ABCB10: variants seen among roughly 807,000 people sequenced by gnomAD.
The protein encoded by ABCB10 is ATP-binding cassette sub-family B member 10, mitochondrial.
In ABCB10, 54 loss-of-function variants were observed where a neutral mutation model predicts 65.4. The observed-to-expected ratio is 0.83, with a 90% CI of 0.66 to 1.04. The LOEUF is 1.04. Among genes scored for constraint, ABCB10 ranks in the 50% least tolerant of loss-of-function variants. The pLI is 0.00. For synonymous variants in ABCB10, 418 were observed against 406.5 expected (o/e 1.03, Z -0.34); for missense variants, 846 against 976.6 (o/e 0.87, Z 1.78).
intron 5 of ABCB10, among the ~76,000 whole-genome samples, chr1:229,539,988 C>G (rs891692612): frequency 1.1e-4 from 16 of 152,172 alleles, no homozygotes; most frequent in African/African-American, 3.9e-4. Flanking sequence ...TATGTATGGC[C>G]TGCTTTTACC....
chr1:229,523,520 G>A (rs1436610245), intron 10 of ABCB10, among the ~76,000 whole-genome samples: 1 of 152,150 alleles, frequency 6.6e-6, no homozygotes. Context: ...CACACAAGGA[G>A]GGCAGTGAGG....
In ABCB10 at chr1:229,549,302, C is replaced by T; in HGVS notation, c.650G>A (p.Gly217Glu). 1.2e-6 allele frequency: 2 copies of T among 1,614,132 alleles called. No homozygotes were observed. The highest frequency in any genetic ancestry group is 2.2e-5 in the South Asian group (2 of 91,080). ...YSDNLTRLCL[G>E]LSAVFLCGAA... ...ACCACACAGAAACACGGCACTGAGC[C>T]CTAGGCAGAGGCGGGTCAGGTTGTC... The change falls in exon 2 of 13, where the codon GGG (glycine) becomes GAG (glutamate). Residue 217 changes from glycine (G) to glutamate (E), a missense_variant. Physicochemically the swap from Gly to Glu is moderately conservative, Grantham distance 98. This residue lies in a region of ABCB10 where 632 missense variants were observed against 803.2 expected (regional missense o/e 0.79). Coordinates refer to ENST00000344517, the MANE Select transcript of ABCB10 (RefSeq NM_012089.3).
Position 229,558,389 on chromosome 1 carries a change from C to A in ABCB10, c.264G>T (p.Arg88=). 8.1e-7 allele frequency: 1 copy of A among 1,236,804 alleles called. No individual in the cohort carries two copies. Among genetic ancestry groups the A allele is most frequent in the Non-Finnish European group, 1.0e-6 (1 of 983,200 alleles). 76.6% of individuals were successfully genotyped at this position (1,236,804 alleles called of 1,614,324 possible). A position where few individuals can be genotyped will look rare whatever the true frequency, so the allele number is the denominator to read the frequency against. Residue 88 remains arginine, a synonymous_variant, in exon 1 of 13, where the codon CGG becomes CGT. Coordinates refer to ENST00000344517, the MANE Select transcript of ABCB10 (RefSeq NM_012089.3). ...GGCCGCGAGCCCACAGCCCCAGGAG[C>A]CGCGCGAGGCCCAGGACGCCCCGCG... The part of the protein sequence containing the change: ...GASRGVLGLA[R]LLGLWARGPG...
At position 229,526,044 on chromosome 1, in the gene ABCB10, C is replaced by T. The variant is rs768094428; in HGVS notation, c.1798G>A (p.Ala600Thr). ...TCAGCCACTCTCTGGATTTCCTCAG[C>T]GGTCACAGAGGAAGGGTCATCAGCA... ...YGADDPSSVTAEEIQRVAEVA... is the reference protein window; with the variant it reads ...YGADDPSSVTTEEIQRVAEVA... The change falls in exon 10 of 13, where the codon GCT (alanine) becomes ACT (threonine). Residue 600 changes from alanine to threonine, a missense_variant. This residue lies in a region of ABCB10 where 632 missense variants were observed against 803.2 expected (regional missense o/e 0.79). Coordinates refer to ENST00000344517, the MANE Select transcript of ABCB10 (RefSeq NM_012089.3). 14 of 1,614,014 alleles carry T rather than the reference C, an allele frequency of 8.7e-6. 1 individual carries two copies. Among genetic ancestry groups the T allele is most frequent in the South Asian group, 5.5e-5 (5 of 91,084 alleles).
At chr1:229,528,600 A>G (rs148411687) in intron 8 of ABCB10, among the ~76,000 whole-genome samples, 5 of 152,348 alleles carry the variant, frequency 3.3e-5, no homozygotes, top group East Asian at 1.9e-4. Context: ...TGCAAGTCAC[A>G]TATTTATCTG....
At chr1:229,553,968 C>G (rs921644677) in intron 1 of ABCB10, among the ~76,000 whole-genome samples, 1 of 152,216 alleles carries the variant, frequency 6.6e-6, no homozygotes, top group South Asian at 2.1e-4. Context: ...TAACTATTAT[C>G]TTTATTACTA....
intron 1 of ABCB10, among the ~76,000 whole-genome samples, chr1:229,556,715 C>G (rs1663255273): frequency 6.6e-6 from 1 of 152,124 alleles, no homozygotes; most frequent in Non-Finnish European, 1.5e-5. Context: ...AGAAACAAAA[C>G]AGAACTGGAT....
At chr1:229,538,244 A>G (rs1662765960) in intron 6 of ABCB10, among the ~76,000 whole-genome samples, 1 of 152,238 alleles carries the variant, frequency 6.6e-6, no homozygotes, top group South Asian at 2.1e-4. Context: ...AACAACCACA[A>G]ACAGAAATAA....
chr1:229,518,478 C>A, intron 12 of ABCB10, 68 bp from the exon 13 acceptor site: 3 of 1,289,890 alleles, frequency 2.3e-6, no homozygotes, highest in Non-Finnish European at 3.3e-6. Flanking sequence ...CTGATACACA[C>A]AGCAGCCCTT....
At chr1:229,528,708 A>T (rs540286991) in intron 8 of ABCB10, among the ~76,000 whole-genome samples, 29 of 151,960 alleles carry the variant, frequency 1.9e-4, no homozygotes, top group Non-Finnish European at 3.8e-4. Flanking sequence ...TTTTTTAATA[A>T]ATAGTGACAG....
At chr1:229,555,064 T>C (rs374536609) in intron 1 of ABCB10, among the ~76,000 whole-genome samples, 9 of 152,244 alleles carry the variant, frequency 5.9e-5, no homozygotes, top group East Asian at 5.8e-4. Context: ...CAACTGAACA[T>C]GCCCCAGCGG....
intron 10 of ABCB10, among the ~76,000 whole-genome samples, chr1:229,522,777 T>C (rs576002240): frequency 2.0e-5 from 3 of 152,358 alleles, no homozygotes; most frequent in African/African-American, 7.2e-5. Flanking sequence ...CAAAGAACAC[T>C]TGAAATGTCT....
intron 1 of ABCB10, 52 bp from the exon 2 acceptor site, chr1:229,549,486 C>T (rs1162438873): frequency 1.9e-6 from 3 of 1,540,566 alleles, no homozygotes; most frequent in South Asian, 2.3e-5. Flanking sequence ...AAAGGGGCTG[C>T]GGTGCTGAGT....
intron 2 of ABCB10, 102 bp downstream of exon 2, chr1:229,549,132 G>T: frequency 8.0e-7 from 1 of 1,245,748 alleles, no homozygotes; most frequent in Non-Finnish European, 1.2e-6. Flanking sequence ...AAGAGAGGAA[G>T]AGAATGGAGC....
chr1:229,536,040 T>C (rs562953520), intron 6 of ABCB10, among the ~76,000 whole-genome samples: 23 of 152,246 alleles, frequency 1.5e-4, no homozygotes, highest in Non-Finnish European at 2.9e-4. Context: ...GTTCATTAAT[T>C]GCATCAAATG....
intron 3 of ABCB10, 68 bp from the exon 4 acceptor site, chr1:229,542,439 C>T (rs879610373): frequency 4.2e-5 from 65 of 1,551,782 alleles, no homozygotes; most frequent in East Asian, 4.7e-5. Flanking sequence ...TCATTACCTA[C>T]GAAAGGGGAG....
intron 6 of ABCB10, among the ~76,000 whole-genome samples, chr1:229,535,910 G>A (rs1033510495): frequency 6.6e-6 from 1 of 152,176 alleles, no homozygotes; most frequent in South Asian, 2.1e-4. Context: ...ATTTTTAGTA[G>A]AGACAGGGTT....
At chr1:229,556,663 A>G (rs1343488076) in intron 1 of ABCB10, among the ~76,000 whole-genome samples, 2 of 152,218 alleles carry the variant, frequency 1.3e-5, no homozygotes, top group South Asian at 2.1e-4. Context: ...GTAGGCCACC[A>G]AAGCCTGACA....
chr1:229,556,805 T>C (rs2102714338), intron 1 of ABCB10, among the ~76,000 whole-genome samples: 1 of 152,344 alleles, frequency 6.6e-6, no homozygotes, highest in East Asian at 1.9e-4. Context: ...GGCCTCACTC[T>C]GTGCCTGGTG....
Sources: gnomAD v4.1 joint callset for allele counts (sites outside exome capture counted in the v4.1 genomes callset) on GRCh38, gnomAD v4.1.1 for gene constraint, gnomAD v4.1.1 regional missense constraint, MANE v1.5 for transcripts, NCBI Gene and HGNC (gene_info 2026-07-23, HGNC 2026-07-21) for gene names.